The following VWDE variants were observed in gnomAD, a reference collection of about 807,000 sequenced individuals.
VWDE encodes von Willebrand factor D and EGF domain-containing protein.
A neutral mutation model predicts 178.4 loss-of-function variants in VWDE; 207 were observed. The observed-to-expected ratio is 1.16, with a 90% confidence interval of 1.04 to 1.30. VWDE has a LOEUF of 1.30. VWDE is among the 50% of genes most tolerant of loss of function. VWDE has a pLI of 0.00. For synonymous variants in VWDE, 738 were observed against 651.4 expected (o/e 1.13, Z -2.02); for missense variants, 2,287 against 1,901.3 (o/e 1.20, Z -3.77).
At chr7:12,341,911 G>A (rs1781353410) in intron 23 of VWDE, 148 bp downstream of exon 23, 1 of 564,952 alleles carries the variant, frequency 1.8e-6, no homozygotes, top group African/African-American at 1.9e-5. Flanking sequence ...AGATGAAAGA[G>A]TTTTAAAAAT....
chr7:12,393,958 T>C (rs537457282), intron 1 of VWDE, among the ~76,000 whole-genome samples, 180 bp from the exon 2 acceptor site: 12 of 152,336 alleles, frequency 7.9e-5, no homozygotes, highest in African/African-American at 2.2e-4. Context: ...CTAACTTGCA[T>C]GTTTCATAAA....
rs527427520 is a variant in VWDE, at chr7:12,359,680, T to C, written c.3172A>G (p.Ile1058Val). ...TCAACATAGCAGAGTCCATCAATAA[T>C]GCAAACATTTTCCTAATGGAAAATT... ...DSCTIKENVCIIDGLCYVEGD... is the reference protein window; with the variant it reads ...DSCTIKENVCVIDGLCYVEGD... The change falls in exon 16 of 29, where the codon ATT becomes GTT. Residue 1058 changes from isoleucine to valine, a missense_variant. Ile to Val is a conservative substitution (Grantham distance 29, BLOSUM62 3). Coordinates refer to ENST00000275358, the MANE Select transcript of VWDE (RefSeq NM_001135924.3). The C allele has an allele frequency of 1.9e-5, 29 of 1,542,390 alleles. No individual in the cohort carries two copies. In the East Asian group the frequency reaches 2.7e-4, roughly 14 times the overall value.
intron 3 of VWDE, chr7:12,388,839 G>A (rs143392223): frequency 1.8e-6 from 1 of 560,034 alleles, no homozygotes; most frequent in African/African-American, 1.9e-5. Context: ...AACAGGAATG[G>A]ACTTGAGGAA....
chr7:12,382,290 T>A (rs1783890561), intron 4 of VWDE, among the ~76,000 whole-genome samples: 1 of 151,854 alleles, frequency 6.6e-6, no homozygotes, highest in South Asian at 2.1e-4. Flanking sequence ...ATATACAGTA[T>A]AGAGAATTTA....
Position 12,389,257 on chromosome 7 carries a change from T to C in VWDE, c.345A>G (p.Thr115=), listed in dbSNP as rs557700811. The C allele has an allele frequency of 2.6e-6, 4 of 1,551,732 alleles. No individual in the cohort carries two copies. The highest frequency in any genetic ancestry group is 1.2e-5 in the South Asian group (1 of 84,062). ...TTGTAGTGCTGAACAAAAACTGCCA[T>C]GTTGCACAAGCTGTCAATTGCTTGA... The part of the protein sequence containing the change: ...GEIKQLTACA[T]WQFLFSTTKD... The change falls in exon 3 of 29, where the codon ACA becomes ACG. Residue 115 remains threonine, a synonymous_variant. Coordinates refer to ENST00000275358, the MANE Select transcript of VWDE (RefSeq NM_001135924.3).
chr7:12,341,296 A>G (rs1171326379), intron 23 of VWDE, among the ~76,000 whole-genome samples: 1 of 152,198 alleles, frequency 6.6e-6, no homozygotes, highest in Non-Finnish European at 1.5e-5. Flanking sequence ...TTAGATTATA[A>G]TGAATTAGAT....
At chr7:12,347,714 A>G (rs1310241058) in intron 19 of VWDE, among the ~76,000 whole-genome samples, 2 of 152,062 alleles carry the variant, frequency 1.3e-5, no homozygotes, top group African/African-American at 2.4e-5. Context: ...ACAGAATTGG[A>G]AAAAACTACT....
chr7:12,382,736 T>C (rs934732872), intron 4 of VWDE, among the ~76,000 whole-genome samples: 1 of 151,876 alleles, frequency 6.6e-6, no homozygotes, highest in Admixed American at 6.6e-5. Context: ...ATAAGGCTAA[T>C]AATCCCATAA....
intron 2 of VWDE, among the ~76,000 whole-genome samples, chr7:12,391,013 T>C (rs988125051): frequency 1.3e-5 from 2 of 152,196 alleles, no homozygotes; most frequent in Non-Finnish European, 2.9e-5. Context: ...ATAAATATGA[T>C]ACATGTATGA....
At chr7:12,350,458 A>G (rs914757227) in intron 19 of VWDE, among the ~76,000 whole-genome samples, 28 of 152,268 alleles carry the variant, frequency 1.8e-4, no homozygotes, top group African/African-American at 6.5e-4. Flanking sequence ...ATTTAAAACT[A>G]GGAATTCTGA....
chr7:12,331,386 C>G lies in VWDE; in HGVS notation c.4759-189G>C, dbSNP rs546576893. ...AGATCATACTTAAGGTCCAAGCTGT[C>G]ATAACCAAATGGAGCTTGCATACTA... On this transcript the variant is annotated intron_variant, in intron 28 of 28. Transcript: ENST00000275358. Among the ~76,000 whole-genome samples the G allele has an allele frequency of 1.2e-4, 19 of 152,212 alleles. No homozygotes were observed. In the South Asian group the frequency reaches 3.7e-3, roughly 30 times the overall value.
At chr7:12,347,950 C>T (rs1197839420) in intron 19 of VWDE, among the ~76,000 whole-genome samples, 3 of 152,040 alleles carry the variant, frequency 2.0e-5, no homozygotes, top group Non-Finnish European at 4.4e-5. Flanking sequence ...CTTTGACAAA[C>T]CTGACAAAAA....
In VWDE at chr7:12,361,209, C is replaced by T. The variant is rs117828350; in HGVS notation, c.3097G>A (p.Val1033Ile). ...ACTTGGCAAGCACCATCATATATGA[C>T]CGTTATTTTGGGATTACTGAATTTA... Reference protein sequence around the residue: ...GYKFSNPKITVIYDGACQVCG... With the variant: ...GYKFSNPKITIIYDGACQVCG... Residue 1033 changes from valine to isoleucine, a missense_variant, in exon 15 of 29, where the codon GTC (valine) becomes ATC (isoleucine). Val to Ile is a conservative substitution (Grantham distance 29). Transcript: ENST00000275358. 6,663 of 1,548,008 alleles carry T rather than the reference C, an allele frequency of 4.3e-3. 20 individuals carry two copies. Among genetic ancestry groups the T allele is most frequent in the Non-Finnish European group, 5.5e-3 (6,239 of 1,144,090 alleles).
At position 12,373,228 on chromosome 7, in the gene VWDE, TCTTGAAATTATCATATACC is replaced by T; in HGVS notation, c.1317_1335del (p.Val440LeufsTer44). The T allele has an allele frequency of 6.4e-7, 1 of 1,551,124 alleles. No homozygotes were observed. Among genetic ancestry groups the T allele is most frequent in the African/African-American group, 1.4e-5 (1 of 73,126 alleles). On this transcript the variant is annotated frameshift_variant and splice_region_variant, in exon 10 of 29. Transcript: ENST00000275358. LOFTEE classifies it high-confidence loss of function. ...CTCTTATAAAGCACAAATGTTCCAG[TCTTGAAATTATCATATACC>T]CTATCATTAACAAAAGGCAATTGCA... is the stretch of plus-strand genomic sequence containing the variant.
chr7:12,351,441 T>C, intron 19 of VWDE, 132 bp downstream of exon 19: 1 of 972,002 alleles, frequency 1.0e-6, no homozygotes, highest in Non-Finnish European at 1.4e-6. Context: ...GGATAAATTT[T>C]AAACCGCATC....
intron 1 of VWDE, among the ~76,000 whole-genome samples, chr7:12,399,004 C>T (rs1481997726): frequency 6.6e-6 from 1 of 151,944 alleles, no homozygotes; most frequent in Non-Finnish European, 1.5e-5. Context: ...ATGCGATGTA[C>T]CTTTGTAACA....
At chr7:12,400,640 A>T (rs763808462) in intron 1 of VWDE, among the ~76,000 whole-genome samples, 1 of 152,114 alleles carries the variant, frequency 6.6e-6, no homozygotes, top group Non-Finnish European at 1.5e-5. Context: ...ATTACCACCA[A>T]TTTGTCTCAA....
At position 12,375,170 on chromosome 7, in the gene VWDE, T is replaced by G. The variant is rs971327824; in HGVS notation, c.1082A>C (p.Gln361Pro). The G allele has an allele frequency of 6.4e-7, 1 of 1,551,124 alleles. No homozygotes were observed. The highest frequency in any genetic ancestry group is 1.4e-5 in the African/African-American group (1 of 73,018). ...ALSSCHVDLL[Q>P]TSSCANGTCS... Reference sequence around the variant, plus strand: ...GGTTCCATTAGCACAGGAAGATGTCTGGAGAAGGTCCACATGACAGGAAGA... The same window carrying G: ...GGTTCCATTAGCACAGGAAGATGTCGGGAGAAGGTCCACATGACAGGAAGA... Residue 361 changes from glutamine to proline, a missense_variant, in exon 8 of 29, where the codon CAG (glutamine) becomes CCG (proline). Gln to Pro is a moderately conservative substitution (Grantham distance 76, BLOSUM62 -1). Transcript: ENST00000275358.
At chr7:12,346,016 C>T (rs1177356600) in intron 19 of VWDE, among the ~76,000 whole-genome samples, 1 of 152,130 alleles carries the variant, frequency 6.6e-6, no homozygotes, top group Non-Finnish European at 1.5e-5. Flanking sequence ...ATAGTCTTCT[C>T]TACCTGAAAT....
Sources: allele counts gnomAD v4.1 joint callset (sites outside exome capture counted in the v4.1 genomes callset), GRCh38; gene constraint gnomAD v4.1.1; transcripts MANE v1.5; gene names NCBI Gene and HGNC (gene_info 2026-07-23, HGNC 2026-07-21).